REDIC1: variants seen among roughly 807,000 people sequenced by gnomAD.
REDIC1 encodes the protein regulator of DNA class I crossover intermediates 1, also known as HEI10 Interacting Protein 1.
chr12:39,830,016 CTATAAG>C, the REDIC1 span: 1 of 1,536,376 alleles, frequency 6.5e-7, no homozygotes, highest in South Asian at 1.1e-5. Context: ...AAAAGAACTG[CTATAAG>C]TGCAAGCACT....
the REDIC1 span, among the ~76,000 whole-genome samples, chr12:39,821,309 C>G: frequency 6.6e-6 from 1 of 151,860 alleles, no homozygotes; most frequent in Non-Finnish European, 1.5e-5. Context: ...ACTCGGGAGG[C>G]TGAGGCAGGA....
chr12:39,886,012 T>C, the REDIC1 span, among the ~76,000 whole-genome samples: 2 of 152,106 alleles, frequency 1.3e-5, no homozygotes, highest in African/African-American at 4.8e-5. Context: ...AAATCACTAA[T>C]TTTAAGGTTT....
chr12:39,896,305 T>C, the REDIC1 span, among the ~76,000 whole-genome samples: 7 of 141,826 alleles, frequency 4.9e-5, no homozygotes, highest in Non-Finnish European at 1.1e-4. Flanking sequence ...TGTATATATG[T>C]ATACATATAT....
chr12:39,896,030 G>A, the REDIC1 span, among the ~76,000 whole-genome samples: 1 of 122,742 alleles, frequency 8.1e-6, no homozygotes, highest in Non-Finnish European at 1.7e-5. Flanking sequence ...ATACATACAT[G>A]CATATGTTTA....
the REDIC1 span, among the ~76,000 whole-genome samples, chr12:39,840,066 C>T: frequency 2.0e-5 from 3 of 152,034 alleles, no homozygotes; most frequent in Admixed American, 2.0e-4. Flanking sequence ...GAGTCTCACT[C>T]TGTCACCCAG....
chr12:39,694,887 T>C, the REDIC1 span, among the ~76,000 whole-genome samples: 81 of 152,240 alleles, frequency 5.3e-4, no homozygotes, highest in Non-Finnish European at 5.1e-4. Context: ...GAGGACTTTA[T>C]CTTACATCCT....
chr12:39,716,718 T>A, the REDIC1 span: 2 of 1,441,992 alleles, frequency 1.4e-6, no homozygotes, highest in Non-Finnish European at 1.9e-6. Context: ...AGATTATTCA[T>A]AAATACCATT....
chr12:39,641,619 A>G, the REDIC1 span, among the ~76,000 whole-genome samples: 4 of 151,832 alleles, frequency 2.6e-5, no homozygotes, highest in Non-Finnish European at 5.9e-5. Flanking sequence ...ATAGCAGTGC[A>G]AATGTATAAG....
At chr12:39,655,106 C>A in the REDIC1 span, among the ~76,000 whole-genome samples, 2 of 151,998 alleles carry the variant, frequency 1.3e-5, no homozygotes, top group African/African-American at 2.4e-5. Context: ...TATGCATTCT[C>A]TCTCTTTTTT....
At chr12:39,895,445 G>C in the REDIC1 span, among the ~76,000 whole-genome samples, 516 of 138,334 alleles carry the variant, frequency 3.7e-3, 8 homozygotes, top group African/African-American at 0.013. Flanking sequence ...AGCCGAGATC[G>C]TGCCACTGCA....
chr12:39,751,122 G>C, the REDIC1 span, among the ~76,000 whole-genome samples: 1 of 152,172 alleles, frequency 6.6e-6, no homozygotes, highest in East Asian at 1.9e-4. Flanking sequence ...AGAGCGAACA[G>C]GCAACCTACA....
chr12:39,881,743 T>TA, the REDIC1 span, among the ~76,000 whole-genome samples: 1 of 152,134 alleles, frequency 6.6e-6, no homozygotes, highest in African/African-American at 2.4e-5. Flanking sequence ...ATATTTTAGA[T>TA]ACCTCTGGGC....
At chr12:39,839,480 T>C in the REDIC1 span, among the ~76,000 whole-genome samples, 1 of 152,098 alleles carries the variant, frequency 6.6e-6, no homozygotes, top group African/African-American at 2.4e-5. Context: ...AAAGCTGCTC[T>C]CCCAGAGATT....
the REDIC1 span, among the ~76,000 whole-genome samples, chr12:39,790,050 C>A: frequency 2.0e-5 from 3 of 150,910 alleles, no homozygotes; most frequent in East Asian, 3.9e-4. Context: ...TTATTTAACC[C>A]AATATATCCT....
the REDIC1 span, among the ~76,000 whole-genome samples, chr12:39,810,861 G>A: frequency 5.9e-5 from 9 of 152,214 alleles, no homozygotes; most frequent in Admixed American, 3.9e-4. Flanking sequence ...ATACAAGGGA[G>A]ATACTGCGAT....
At chr12:39,785,729 G>A in the REDIC1 span, among the ~76,000 whole-genome samples, 31 of 152,246 alleles carry the variant, frequency 2.0e-4, no homozygotes, top group East Asian at 5.2e-3. Flanking sequence ...ACACAGGGGC[G>A]GAGCTGCCCA....
At chr12:39,824,963 G>A in the REDIC1 span, among the ~76,000 whole-genome samples, 1 of 152,096 alleles carries the variant, frequency 6.6e-6, no homozygotes, top group African/African-American at 2.4e-5. Context: ...TAATGACAAG[G>A]GATTTAAACT....
At chr12:39,899,442 C>T in the REDIC1 span, among the ~76,000 whole-genome samples, 2 of 152,230 alleles carry the variant, frequency 1.3e-5, no homozygotes, top group East Asian at 3.9e-4. Context: ...CTCCTGGATT[C>T]ATTAACTTTT....
the REDIC1 span, chr12:39,721,400 G>A: frequency 1.1e-5 from 7 of 642,892 alleles, no homozygotes; most frequent in Non-Finnish European, 1.9e-5. Context: ...CACGGTTCAT[G>A]TTAAAACATT....
Sources: gnomAD v4.1 joint callset for allele counts (sites outside exome capture counted in the v4.1 genomes callset) on GRCh38, gnomAD v4.1.1 for gene constraint, MANE v1.5 for transcripts, NCBI Gene and HGNC (gene_info 2026-07-23, HGNC 2026-07-21) for gene names.